The following BTN3A1 variants were observed in gnomAD, a reference collection of about 807,000 sequenced individuals.
BTN3A1 encodes butyrophilin subfamily 3 member A1.
BTN3A1 carries 24 observed loss-of-function variants against 43.0 expected under a neutral mutation model. That is an observed-to-expected ratio of 0.56 (90% CI 0.40 to 0.78). The LOEUF (loss-of-function observed/expected upper bound fraction) is 0.78, where lower values mean the gene tolerates loss of function less well. Among genes scored for constraint, BTN3A1 ranks in the 30% least tolerant of loss-of-function variants. BTN3A1 has a pLI of 0.00. For synonymous variants in BTN3A1, 181 were observed against 234.7 expected (o/e 0.77, Z 2.09); for missense variants, 533 against 626.2 (o/e 0.85, Z 1.59).
At chr6:26,411,025 A>AAAAAAAAAAAAT in intron 7 of BTN3A1, 84 bp from the exon 8 acceptor site, 5 of 796,988 alleles carry the variant, frequency 6.3e-6, no homozygotes, top group Non-Finnish European at 9.8e-6. Context: ...AAAAAAAAAG[A>AAAAAAAAAAAAT]TTAGATGGAT....
intron 4 of BTN3A1, 129 bp downstream of exon 4, chr6:26,408,081 G>C (rs981233742): frequency 2.1e-6 from 3 of 1,414,078 alleles, no homozygotes; most frequent in South Asian, 1.4e-5. Context: ...AGACCTGGAG[G>C]CTCCTCCTTG....
rs1403947389 is a variant in BTN3A1 at position 26,407,867 on chromosome 6, G to A, written c.630G>A (p.Met210Ile). ...ATGCAGTAGCAGCATCTGTGATCAT[G>A]AGAGGCAGCTCTGGGGAGGGTGTAT... ...GLYAVAASVIMRGSSGEGVSC... is the reference protein window; with the variant it reads ...GLYAVAASVIIRGSSGEGVSC... The change falls in exon 4 of 10, where the codon ATG becomes ATA. Residue 210 changes from methionine to isoleucine, a missense_variant. Met to Ile is a conservative substitution (Grantham distance 10). Transcript: ENST00000289361. 1.9e-6 allele frequency: 3 copies of A among 1,614,238 alleles called. No individual in the cohort carries two copies. The highest frequency in any genetic ancestry group is 1.7e-6 in the Non-Finnish European group (2 of 1,180,040).
At chr6:26,410,943 T>A (rs150548008) in intron 7 of BTN3A1, among the ~76,000 whole-genome samples, 166 bp from the exon 8 acceptor site, 4 of 129,034 alleles carry the variant, frequency 3.1e-5, no homozygotes, top group Admixed American at 1.8e-4. Flanking sequence ...CTGGATTTGA[T>A]ACTAAGAACA....
Position 26,413,443 on chromosome 6 carries a change from G to T in BTN3A1, c.1293G>T (p.Trp431Cys). ...AAATGACACCTGAGAATGGATTCTGGACTATGGGGCTGACTGATGGGAATA... is the reference window on the plus strand; with the variant it reads ...AAATGACACCTGAGAATGGATTCTGTACTATGGGGCTGACTGATGGGAATA... ...WVKMTPENGF[W>C]TMGLTDGNKY... The change falls in exon 10 of 10, where the codon TGG becomes TGT. Residue 431 changes from tryptophan to cysteine, a missense_variant. Trp to Cys is a radical substitution (Grantham distance 215, BLOSUM62 -2). Coordinates refer to ENST00000289361, the MANE Select transcript of BTN3A1 (RefSeq NM_007048.6). The T allele has an allele frequency of 6.2e-7, 1 of 1,614,130 alleles. No homozygotes were observed. The highest frequency in any genetic ancestry group is 1.6e-4 in the Middle Eastern group (1 of 6,062).
intron 8 of BTN3A1, 114 bp from the exon 9 acceptor site, chr6:26,411,441 A>T (rs531615459): frequency 1.5e-6 from 2 of 1,328,662 alleles, no homozygotes; most frequent in Admixed American, 2.0e-5. Flanking sequence ...GGGAGGCTGG[A>T]CCCTGGAAGA....
chr6:26,409,673 A>G lies in BTN3A1; in HGVS notation c.856A>G (p.Arg286Gly). Residue 286 changes from arginine (R) to glycine (G), a missense_variant, in exon 5 of 10, where the codon AGA becomes GGA. Around this residue, in one of 4 missense-constraint regions of BTN3A1, gnomAD observed 415 missense variants for 427.0 expected, o/e 0.97. Coordinates refer to ENST00000289361, the MANE Select transcript of BTN3A1 (RefSeq NM_007048.6). ...EKKTQFRKKK[R>G]EQELREMAWS... is the part of the protein sequence containing the mutation. ...AAAGACTCAGTTCAGAAAGAAAAAGAGAGAGCAAGAGTTGAGAGAAATGGC... is the reference window on the plus strand; with the variant it reads ...AAAGACTCAGTTCAGAAAGAAAAAGGGAGAGCAAGAGTTGAGAGAAATGGC... The G allele has an allele frequency of 1.3e-6, 2 of 1,595,584 alleles. No homozygotes were observed. Among genetic ancestry groups the G allele is most frequent in the Non-Finnish European group, 1.7e-6 (2 of 1,173,456 alleles).
intron 7 of BTN3A1, 78 bp downstream of exon 7, chr6:26,410,110 C>T: frequency 1.3e-6 from 2 of 1,583,562 alleles, no homozygotes; most frequent in South Asian, 1.1e-5. Context: ...TTAACTCTTT[C>T]CCCAAGGTTG....
intron 7 of BTN3A1, 88 bp from the exon 8 acceptor site, chr6:26,411,021 A>G: frequency 8.7e-7 from 1 of 1,146,108 alleles, no homozygotes; most frequent in Non-Finnish European, 1.2e-6. Context: ...AAAAAAAAAA[A>G]AAGATTAGAT....
intron 1 of BTN3A1, chr6:26,404,404 G>C (rs533431934): frequency 1.3e-5 from 2 of 152,326 alleles, no homozygotes; most frequent in Admixed American, 6.5e-5. Flanking sequence ...ATTAGCATGC[G>C]TCTTTTTTGA....
At chr6:26,411,456 C>G in intron 8 of BTN3A1, 99 bp from the exon 9 acceptor site, 1 of 1,438,674 alleles carries the variant, frequency 7.0e-7, no homozygotes, top group Non-Finnish European at 9.7e-7. Flanking sequence ...GGAAGAGACT[C>G]TGAAGAAAAG....
At position 26,413,240 on chromosome 6, in the gene BTN3A1, C is replaced by G. The variant is rs766874119; in HGVS notation, c.1090C>G (p.Arg364Gly). 2 of 1,614,148 alleles carry G rather than the reference C, an allele frequency of 1.2e-6. No homozygotes were observed. The highest frequency in any genetic ancestry group is 1.7e-6 in the Non-Finnish European group (2 of 1,180,024). Reference protein sequence around the residue: ...LVSEDQRSVQRAKEPQDLPDN... With the variant: ...LVSEDQRSVQGAKEPQDLPDN... Reference sequence around the variant, plus strand: ...TTCTGAGGACCAGAGGAGTGTGCAGCGTGCCAAGGAGCCCCAGGATCTGCC... The same window carrying G: ...TTCTGAGGACCAGAGGAGTGTGCAGGGTGCCAAGGAGCCCCAGGATCTGCC... The change falls in exon 10 of 10, where the codon CGT (arginine) becomes GGT (glycine). Residue 364 changes from arginine (R) to glycine (G), a missense_variant. This residue lies in a region of BTN3A1 where 415 missense variants were observed against 427.0 expected (regional missense o/e 0.97). Coordinates refer to ENST00000289361, the MANE Select transcript of BTN3A1 (RefSeq NM_007048.6).
In BTN3A1 at chr6:26,405,363, T is replaced by C. The variant is rs1761976806; in HGVS notation, c.-192-9T>C. Reference sequence around the variant, plus strand: ...CAGATGTGCATTTCACATAGACATGTTTTTACAGGTGATTTTCAATGTTGG... The same window carrying C: ...CAGATGTGCATTTCACATAGACATGCTTTTACAGGTGATTTTCAATGTTGG... On this transcript the variant is annotated splice_polypyrimidine_tract_variant and intron_variant, in intron 1 of 9. Transcript: ENST00000289361. The C allele has an allele frequency of 1.6e-6, 1 of 606,118 alleles. No individual in the cohort carries two copies. The highest frequency in any genetic ancestry group is 2.7e-5 in the East Asian group (1 of 36,388). The allele number at this position is 606,118 out of a possible 1,614,324, so 37.5% of individuals were successfully genotyped here. A position where few individuals can be genotyped will look rare whatever the true frequency, so the allele number is the denominator to read the frequency against.
intron 3 of BTN3A1, among the ~76,000 whole-genome samples, chr6:26,407,458 G>T (rs1380307972): frequency 6.6e-6 from 1 of 152,108 alleles, no homozygotes; most frequent in Non-Finnish European, 1.5e-5. Flanking sequence ...CCTCCCTCTG[G>T]TAACTGTGGT....
intron 1 of BTN3A1, among the ~76,000 whole-genome samples, chr6:26,402,931 A>G (rs1026431418): frequency 2.6e-5 from 4 of 152,256 alleles, no homozygotes; most frequent in African/African-American, 9.6e-5. Flanking sequence ...AATTTTAGCA[A>G]TGTTAGATCC....
chr6:26,409,340 A>G (rs1762125080), intron 4 of BTN3A1, among the ~76,000 whole-genome samples, 193 bp from the exon 5 acceptor site: 1 of 152,236 alleles, frequency 6.6e-6, no homozygotes, highest in Non-Finnish European at 1.5e-5. Flanking sequence ...AAGTAATAGT[A>G]GCAGCCTCTA....
At position 26,414,812 on chromosome 6, in the gene BTN3A1, G is replaced by C. The variant is rs559094419; in HGVS notation, c.*1120G>C. On this transcript the variant is annotated 3_prime_UTR_variant, in exon 10 of 10. Coordinates refer to ENST00000289361, the MANE Select transcript of BTN3A1 (RefSeq NM_007048.6). ...AACAATTCTCCTGCCTCAGCCTCCCGAGTACTGGGAATATAGGTGCACGCC... is the reference window on the plus strand; with the variant it reads ...AACAATTCTCCTGCCTCAGCCTCCCCAGTACTGGGAATATAGGTGCACGCC... 1 of 151,732 alleles carries C rather than the reference G, an allele frequency of 6.6e-6. No individual in the cohort carries two copies. Among genetic ancestry groups the C allele is most frequent in the South Asian group, 2.1e-4 (1 of 4,800 alleles). 9.4% of individuals were successfully genotyped at this position (151,732 alleles called of 1,614,324 possible).
At chr6:26,411,455 T>C in intron 8 of BTN3A1, 100 bp from the exon 9 acceptor site, 1 of 1,430,420 alleles carries the variant, frequency 7.0e-7, no homozygotes, top group Non-Finnish European at 9.7e-7. Context: ...TGGAAGAGAC[T>C]CTGAAGAAAA....
In BTN3A1 at chr6:26,413,561, A is replaced by C; in HGVS notation, c.1411A>C (p.Ile471Leu). The C allele has an allele frequency of 6.2e-7, 1 of 1,614,160 alleles. No individual in the cohort carries two copies. The highest frequency in any genetic ancestry group is 8.5e-7 in the Non-Finnish European group (1 of 1,180,036). ...GVFLDYETGDISFYNAVDGSH... is the reference protein window; with the variant it reads ...GVFLDYETGDLSFYNAVDGSH... ...CTTCCTGGACTATGAGACTGGAGAT[A>C]TCTCATTCTACAATGCTGTGGATGG... The change falls in exon 10 of 10, where the codon ATC becomes CTC. Residue 471 changes from isoleucine (I) to leucine (L), a missense_variant. Coordinates refer to ENST00000289361, the MANE Select transcript of BTN3A1 (RefSeq NM_007048.6).
chr6:26,410,957 C>T lies in BTN3A1; in HGVS notation c.965-152C>T, dbSNP rs947701655. The T allele has an allele frequency of 2.0e-5, 12 of 610,902 alleles. No homozygotes were observed. In the African/African-American group the frequency reaches 2.4e-4, roughly 12 times the overall value. 37.8% of individuals were successfully genotyped at this position (610,902 alleles called of 1,614,324 possible). A position where few individuals can be genotyped will look rare whatever the true frequency, so the allele number is the denominator to read the frequency against. On this transcript the variant is annotated intron_variant, in intron 7 of 9. Transcript: ENST00000289361. ...CCTGGATTTGATACTAAGAACAACA[C>T]AATAGAAAGAATTGAACCTGCAGAG...
Sources: allele counts gnomAD v4.1 joint callset (sites outside exome capture counted in the v4.1 genomes callset), GRCh38; gene constraint gnomAD v4.1.1; regional missense constraint gnomAD v4.1.1; transcripts MANE v1.5; gene names NCBI Gene and HGNC (gene_info 2026-07-23, HGNC 2026-07-21).